The following TENM2 variants were observed in gnomAD, a reference collection of about 807,000 sequenced individuals.
The protein encoded by TENM2 is teneurin-2.
In TENM2, 52 loss-of-function variants were observed where a neutral mutation model predicts 245.2. That is an observed-to-expected ratio of 0.21 (90% confidence interval 0.17 to 0.27). TENM2 has a LOEUF of 0.27. Among genes scored for constraint, TENM2 ranks in the 10% least tolerant of loss-of-function variants. TENM2 has a pLI of 1.00. For missense variants in TENM2, 3,046 were observed against 3,666.8 expected, an observed-to-expected ratio of 0.83 and a Z score of 4.37; for synonymous variants, 1,363 against 1,438.9, an observed-to-expected ratio of 0.95 and a Z score of 1.19.
intron 2 of TENM2, among the ~76,000 whole-genome samples, chr5:167,428,859 C>G (rs897841142): frequency 1.3e-5 from 2 of 152,146 alleles, no homozygotes; most frequent in Non-Finnish European, 2.9e-5. Flanking sequence ...CAGGGCCTTA[C>G]ACAAGGATGT....
chr5:167,196,353 AT>A, the TENM2 span, among the ~76,000 whole-genome samples: 3 of 151,974 alleles, frequency 2.0e-5, no homozygotes, highest in South Asian at 6.2e-4. Context: ...ACATAATTGT[AT>A]TAACCTTCTA....
intron 27 of TENM2, among the ~76,000 whole-genome samples, chr5:168,253,397 C>CA (rs1173357141): frequency 5.4e-5 from 8 of 148,078 alleles, no homozygotes; most frequent in African/African-American, 7.4e-5. Flanking sequence ...AAGCACAGAG[C>CA]AAAAAAAGCT....
chr5:168,033,495 A>T (rs973226709), intron 5 of TENM2, among the ~76,000 whole-genome samples: 1 of 152,190 alleles, frequency 6.6e-6, no homozygotes, highest in Non-Finnish European at 1.5e-5. Context: ...AAAAGCAGGT[A>T]TAAGAATTCA....
intron 2 of TENM2, among the ~76,000 whole-genome samples, chr5:167,522,869 T>C (rs974195793): frequency 3.9e-5 from 6 of 152,080 alleles, no homozygotes; most frequent in Admixed American, 3.9e-4. Flanking sequence ...TGTGTTAGTA[T>C]TATGTGACTA....
chr5:167,465,304 A>G (rs1394995482), intron 2 of TENM2, among the ~76,000 whole-genome samples: 3 of 152,116 alleles, frequency 2.0e-5, no homozygotes, highest in African/African-American at 7.2e-5. Context: ...AGATGAATGT[A>G]TCTTATTTTG....
At chr5:167,708,630 G>A (rs778581304) in intron 2 of TENM2, among the ~76,000 whole-genome samples, 3 of 152,114 alleles carry the variant, frequency 2.0e-5, no homozygotes, top group Non-Finnish European at 4.4e-5. Flanking sequence ...GAGGACCGAG[G>A]AGAGGGCAGC....
intron 2 of TENM2, among the ~76,000 whole-genome samples, chr5:167,377,238 C>T (rs980094478): frequency 1.3e-5 from 2 of 152,102 alleles, no homozygotes; most frequent in Admixed American, 6.5e-5. Context: ...TTTGAAACAT[C>T]GTATTTGAAT....
At chr5:167,010,702 A>G in the TENM2 span, among the ~76,000 whole-genome samples, 1 of 152,302 alleles carries the variant, frequency 6.6e-6, no homozygotes, top group African/African-American at 2.4e-5. Flanking sequence ...TTCTTCCATA[A>G]GGAGTTCTAT....
intron 2 of TENM2, among the ~76,000 whole-genome samples, chr5:167,817,409 GA>G (rs1193356840): frequency 2.0e-5 from 3 of 152,062 alleles, no homozygotes; most frequent in East Asian, 1.9e-4. Flanking sequence ...AAAATATATG[GA>G]AAAAACTTCT....
intron 2 of TENM2, among the ~76,000 whole-genome samples, chr5:167,462,120 C>T (rs754326609): frequency 6.6e-6 from 1 of 150,430 alleles, no homozygotes; most frequent in Admixed American, 6.7e-5. Flanking sequence ...CATGCACAAA[C>T]CTCTTCCTTA....
At chr5:168,005,044 A>T (rs1298825874) in intron 5 of TENM2, among the ~76,000 whole-genome samples, 1 of 152,028 alleles carries the variant, frequency 6.6e-6, no homozygotes, top group African/African-American at 2.4e-5. Flanking sequence ...TCTGGGAGAA[A>T]GTGTCTGTAT....
At chr5:168,234,708 C>T (rs947490519) in intron 25 of TENM2, among the ~76,000 whole-genome samples, 2 of 152,208 alleles carry the variant, frequency 1.3e-5, no homozygotes, top group East Asian at 1.9e-4. Flanking sequence ...TTTCCTAAAA[C>T]GGATCTTGTG....
At chr5:167,151,997 T>G in the TENM2 span, among the ~76,000 whole-genome samples, 1 of 152,164 alleles carries the variant, frequency 6.6e-6, no homozygotes, top group African/African-American at 2.4e-5. Context: ...TCCATTTAGA[T>G]GCCTAGTAGT....
chr5:167,006,738 C>T, the TENM2 span, among the ~76,000 whole-genome samples: 2 of 151,878 alleles, frequency 1.3e-5, no homozygotes, highest in Non-Finnish European at 2.9e-5. Context: ...GTGATCTCGG[C>T]TCACTGCAAC....
chr5:168,253,972 T>A (rs72835088), intron 27 of TENM2, among the ~76,000 whole-genome samples: 1 of 152,202 alleles, frequency 6.6e-6, no homozygotes, highest in African/African-American at 2.4e-5. Flanking sequence ...TTTCTCCCTG[T>A]TGGGTCTTTG....
At chr5:167,459,736 A>C (rs1040278616) in intron 2 of TENM2, among the ~76,000 whole-genome samples, 14 of 152,178 alleles carry the variant, frequency 9.2e-5, no homozygotes, top group African/African-American at 3.4e-4. Context: ...GTGCAGTGAC[A>C]AATTTTCTTT....
intron 7 of TENM2, among the ~76,000 whole-genome samples, chr5:168,067,401 A>G (rs1790603769): frequency 6.6e-6 from 1 of 152,212 alleles, no homozygotes; most frequent in Non-Finnish European, 1.5e-5. Context: ...TGATCATACC[A>G]AATAAATGCA....
intron 2 of TENM2, among the ~76,000 whole-genome samples, chr5:167,509,982 A>C (rs1337225287): frequency 6.6e-6 from 1 of 152,196 alleles, no homozygotes; most frequent in Non-Finnish European, 1.5e-5. Flanking sequence ...AATGATATGT[A>C]GCTATCATCT....
intron 7 of TENM2, among the ~76,000 whole-genome samples, chr5:168,070,363 G>A (rs1183767931): frequency 6.6e-6 from 1 of 152,094 alleles, no homozygotes; most frequent in African/African-American, 2.4e-5. Context: ...CATTCGTTAA[G>A]TGTATTCATT....
Sources: allele counts gnomAD v4.1 joint callset (sites outside exome capture counted in the v4.1 genomes callset), GRCh38; gene constraint gnomAD v4.1.1; transcripts MANE v1.5; gene names NCBI Gene and HGNC (gene_info 2026-07-23, HGNC 2026-07-21).